The following MCTP2 variants were observed in gnomAD, a reference collection of about 807,000 sequenced individuals.
MCTP2 encodes multiple C2 and transmembrane domain containing 2, also known as multiple C2 and transmembrane domain-containing protein 2.
Under a neutral mutation model 111.6 loss-of-function variants are expected in MCTP2, and 132 were observed. That is an observed-to-expected ratio of 1.18 (90% CI 1.03 to 1.37). The LOEUF (loss-of-function observed/expected upper bound fraction) is 1.37. Among genes scored for constraint, MCTP2 ranks in the 40% most tolerant of loss-of-function variants. The probability of loss-of-function intolerance (pLI) is 0.00; values close to 1 mark genes in which losing one functional copy is unlikely to be tolerated. For missense variants in MCTP2, 1,183 were observed against 1,067.9 expected, an observed-to-expected ratio of 1.11 and a Z score of -1.50; for synonymous variants, 395 against 387.7, an observed-to-expected ratio of 1.02 and a Z score of -0.22.
chr15:94,402,283 T>C, intron 17 of MCTP2: 1 of 981,664 alleles, frequency 1.0e-6, no homozygotes, highest in Non-Finnish European at 1.2e-6. Context: ...AGCCCTGCAT[T>C]GTGTGTATTT....
intron 1 of MCTP2, among the ~76,000 whole-genome samples, chr15:94,237,623 A>G (rs574538284): frequency 6.6e-6 from 1 of 152,258 alleles, no homozygotes; most frequent in East Asian, 1.9e-4. Context: ...TTACCCCAAA[A>G]GTATGTTTCT....
chr15:94,319,455 C>T (rs2076529096), intron 4 of MCTP2, among the ~76,000 whole-genome samples: 1 of 152,168 alleles, frequency 6.6e-6, no homozygotes, highest in Admixed American at 6.5e-5. Flanking sequence ...AATGAAAATG[C>T]ACATCTCTGA....
intron 10 of MCTP2, among the ~76,000 whole-genome samples, chr15:94,361,318 C>T (rs1421981397): frequency 6.6e-6 from 1 of 151,876 alleles, no homozygotes; most frequent in African/African-American, 2.4e-5. Context: ...TCTAGATGGA[C>T]TCTCTGGGGA....
intron 1 of MCTP2, among the ~76,000 whole-genome samples, chr15:94,279,130 A>G (rs892013537): frequency 6.6e-6 from 1 of 152,116 alleles, no homozygotes; most frequent in Non-Finnish European, 1.5e-5. Flanking sequence ...GAATTTTAGA[A>G]TAGTTTTTTT....
In MCTP2 at chr15:94,427,709, A is replaced by G. The variant is rs536900856; in HGVS notation, c.2086-12467A>G. 3.1e-4 allele frequency among the ~76,000 whole-genome samples: 47 copies of G among 152,310 alleles called. 1 individual carries two copies. The South Asian group carries it at 9.5e-3, about 31-fold the overall frequency. On this transcript the variant is annotated intron_variant, in intron 17 of 22. Transcript: ENST00000357742. The stretch of plus-strand genomic sequence containing the variant: ...ACAAGGAAACAAACAAATAGGAATG[A>G]AACCAACCCTGAAAGACATGAAGCA...
At chr15:94,235,771 G>A (rs902880175) in intron 1 of MCTP2, among the ~76,000 whole-genome samples, 5 of 152,190 alleles carry the variant, frequency 3.3e-5, no homozygotes, top group Admixed American at 1.3e-4. Context: ...TGGTTCAGCC[G>A]GGATTCAAGC....
chr15:94,416,947 A>G lies in MCTP2; in HGVS notation c.2085+14928A>G, dbSNP rs1295538349. On this transcript the variant is annotated intron_variant, in intron 17 of 22. Coordinates refer to ENST00000357742, the MANE Select transcript of MCTP2 (RefSeq NM_001385001.1). The stretch of plus-strand genomic sequence containing the variant: ...CTGTGGTTAGTTTATAAGTAATGTG[A>G]GACTAAGGATTTAGGTTTCAAACAT... Among the ~76,000 whole-genome samples the G allele has an allele frequency of 2.0e-5, 3 of 152,228 alleles. No homozygotes were observed. The East Asian group carries it at 5.8e-4, about 29-fold the overall frequency.
chr15:94,433,823 TTTTAA>T (rs1269138048), intron 17 of MCTP2, among the ~76,000 whole-genome samples: 3 of 152,172 alleles, frequency 2.0e-5, no homozygotes, highest in East Asian at 3.9e-4. Flanking sequence ...TTCACAGTGG[TTTTAA>T]TTTGTGTTTT....
At chr15:94,340,169 T>A in intron 5 of MCTP2, 30 bp from the exon 6 acceptor site, 1 of 1,469,994 alleles carries the variant, frequency 6.8e-7, no homozygotes, top group Non-Finnish European at 9.5e-7. Context: ...ACCATAATAA[T>A]GTGTTAATTG....
intron 7 of MCTP2, chr15:94,342,983 TATAC>T (rs1222411448): frequency 6.7e-6 from 1 of 148,674 alleles, no homozygotes; most frequent in Admixed American, 7.0e-5. Flanking sequence ...TATGGATCCA[TATAC>T]ATATATACAC....
chr15:94,383,964 G>C, intron 12 of MCTP2, 58 bp from the exon 13 acceptor site: 1 of 1,223,786 alleles, frequency 8.2e-7, no homozygotes, highest in South Asian at 1.2e-5. Flanking sequence ...TGTTCACATT[G>C]CCCTTGTCCC....
chr15:94,368,814 G>A (rs1328367786), intron 11 of MCTP2, among the ~76,000 whole-genome samples: 3 of 152,306 alleles, frequency 2.0e-5, no homozygotes, highest in African/African-American at 7.2e-5. Context: ...TTCATGAGGA[G>A]TTTTGTGTGT....
At chr15:94,285,752 AAAAG>A (rs2074722166) in intron 1 of MCTP2, among the ~76,000 whole-genome samples, 1 of 152,142 alleles carries the variant, frequency 6.6e-6, no homozygotes, top group African/African-American at 2.4e-5. Context: ...GAATGACTGA[AAAAG>A]AGGTAAGCAG....
chr15:94,470,698 G>A (rs953819018), intron 21 of MCTP2, among the ~76,000 whole-genome samples: 1 of 152,100 alleles, frequency 6.6e-6, no homozygotes, highest in African/African-American at 2.4e-5. Context: ...ATTTCCCTTT[G>A]GGCTTTGCTA....
chr15:94,301,293 C>G (rs530634348), intron 2 of MCTP2, among the ~76,000 whole-genome samples: 5 of 152,196 alleles, frequency 3.3e-5, no homozygotes, highest in Admixed American at 2.0e-4. Flanking sequence ...CCCTAGGATC[C>G]CTTGCAGTCT....
chr15:94,380,126 C>T (rs2080046573), intron 12 of MCTP2, among the ~76,000 whole-genome samples: 1 of 152,022 alleles, frequency 6.6e-6, no homozygotes, highest in Non-Finnish European at 1.5e-5. Context: ...CACTGCTGCC[C>T]TCTGTCCCTA....
chr15:94,245,291 T>C (rs1486356778), intron 1 of MCTP2, among the ~76,000 whole-genome samples: 1 of 135,808 alleles, frequency 7.4e-6, no homozygotes, highest in Non-Finnish European at 1.5e-5. Context: ...TACACATATG[T>C]ATATATTTAT....
rs75691519 is a variant in MCTP2 at position 94,436,820 on chromosome 15, G to A, written c.2086-3356G>A. On this transcript the variant is annotated intron_variant, in intron 17 of 22. Transcript: ENST00000357742. ...TAAAATCCATTTACCCAGTAGACAG[G>A]CATTTAGAAACAACCACCATTGAGT... Among the ~76,000 whole-genome samples, 1,002 of 151,950 alleles carry A rather than the reference G, an allele frequency of 6.6e-3. 10 individuals are homozygous for A. Among genetic ancestry groups the A allele is most frequent in the African/African-American group, 0.023 (955 of 41,468 alleles).
chr15:94,407,266 C>T (rs1479436824), intron 17 of MCTP2, among the ~76,000 whole-genome samples: 2 of 152,126 alleles, frequency 1.3e-5, no homozygotes, highest in Non-Finnish European at 2.9e-5. Context: ...TGATTTTAAA[C>T]AGCAAAGTTC....
Sources: allele counts gnomAD v4.1 joint callset (sites outside exome capture counted in the v4.1 genomes callset), GRCh38; gene constraint gnomAD v4.1.1; transcripts MANE v1.5; gene names NCBI Gene and HGNC (gene_info 2026-07-23, HGNC 2026-07-21).